The following DST variants were observed in gnomAD, a reference collection of about 807,000 sequenced individuals.
DST encodes bullous pemphigoid antigen.
DST carries 253 observed loss-of-function variants against 875.2 expected under a neutral mutation model. That is an observed-to-expected ratio of 0.29 (90% CI 0.26 to 0.32). The LOEUF (loss-of-function observed/expected upper bound fraction) is 0.32, where lower values mean the gene tolerates loss of function less well. Among genes scored for constraint, DST ranks in the 10% least tolerant of loss-of-function variants. The pLI is 1.00. For missense variants in DST, 8,287 were observed against 9,111.6 expected (o/e 0.91, Z 3.68); for synonymous variants, 3,124 against 3,197.1 (o/e 0.98, Z 0.77).
intron 9 of DST, chr6:56,693,291 C>A: frequency 8.5e-7 from 1 of 1,175,628 alleles, no homozygotes; most frequent in Non-Finnish European, 1.1e-6. Flanking sequence ...CAGTCTGAGG[C>A]CATTTTGCTT....
Position 56,603,659 on chromosome 6 carries a change from A to T in DST, c.10846T>A (p.Leu3616Met). ...LQHTEKMHEYLTLLQDMKPPL... is the reference protein window; with the variant it reads ...LQHTEKMHEYMTLLQDMKPPL... Reference sequence around the variant, plus strand: ...GGTTTCATATCTTGAAGCAATGTCAAATACTCATGCATTTTTTCAGTGTGC... The same window carrying T: ...GGTTTCATATCTTGAAGCAATGTCATATACTCATGCATTTTTTCAGTGTGC... The change falls in exon 41 of 104, where the codon TTG (leucine) becomes ATG (methionine). Residue 3616 changes from leucine (L) to methionine (M), a missense_variant. Coordinates refer to ENST00000680361, the MANE Select transcript of DST (RefSeq NM_001374736.1). 6.2e-7 allele frequency: 1 copy of T among 1,610,690 alleles called. No individual in the cohort carries two copies. Among genetic ancestry groups the T allele is most frequent in the Non-Finnish European group, 8.5e-7 (1 of 1,178,670 alleles).
At chr6:56,901,508 C>G (rs529311169) in intron 2 of DST, among the ~76,000 whole-genome samples, 2 of 152,216 alleles carry the variant, frequency 1.3e-5, no homozygotes, top group East Asian at 1.9e-4. Context: ...GGCAGGAGAA[C>G]TGCTTGAACC....
chr6:56,555,709 C>A lies in DST; in HGVS notation c.14772G>T (p.Val4924=), dbSNP rs1367030512. The A allele has an allele frequency of 2.5e-6, 4 of 1,610,660 alleles. No individual in the cohort carries two copies. The highest frequency in any genetic ancestry group is 3.3e-5 in the Admixed American group (2 of 59,982). Residue 4924 remains valine (V), a synonymous_variant, in exon 60 of 104, where the codon GTG becomes GTT. Coordinates refer to ENST00000680361, the MANE Select transcript of DST (RefSeq NM_001374736.1). ...CTGTTAGGCTATCCCATTTTTGGGT[C>A]ACAGCTGCCAGTTGCTCTTTCACAA... ...RGIVKEQLAA[V]TQKWDSLTGQ...
At chr6:56,797,424 T>C (rs964539059) in intron 4 of DST, among the ~76,000 whole-genome samples, 2 of 152,208 alleles carry the variant, frequency 1.3e-5, no homozygotes, top group African/African-American at 4.8e-5. Flanking sequence ...CTAGAAATTA[T>C]TAAGCTTAGT....
intron 4 of DST, chr6:56,843,064 T>G (rs563854688): frequency 6.6e-7 from 1 of 1,523,156 alleles, no homozygotes; most frequent in Non-Finnish European, 8.9e-7. Flanking sequence ...CCTTTGTACC[T>G]CTCCAGGACA....
chr6:56,519,415 G>A (rs9357921), intron 69 of DST, among the ~76,000 whole-genome samples: 102,643 of 152,022 alleles, frequency 0.68, 35,097 homozygotes, highest in East Asian at 0.8. Flanking sequence ...CACTCTTGCC[G>A]GGAGATGTTA....
chr6:56,620,456 G>C, intron 36 of DST: 1 of 1,614,112 alleles, frequency 6.2e-7, no homozygotes, highest in Non-Finnish European at 8.5e-7. Flanking sequence ...GTACTGCTTG[G>C]CTTCACTTTC....
chr6:56,656,207 C>T (rs951141234), intron 10 of DST, among the ~76,000 whole-genome samples: 1 of 152,232 alleles, frequency 6.6e-6, no homozygotes, highest in African/African-American at 2.4e-5. Flanking sequence ...TCCCCATAAT[C>T]CTAAACAAGC....
At chr6:56,611,374 A>C (rs898304068) in intron 38 of DST, 134 bp downstream of exon 38, 47 of 617,030 alleles carry the variant, frequency 7.6e-5, no homozygotes, top group Non-Finnish European at 3.1e-5. Flanking sequence ...TACTCTTTAC[A>C]TTACTATATT....
At chr6:56,713,309 G>A (rs1392212999) in intron 5 of DST, among the ~76,000 whole-genome samples, 2 of 152,152 alleles carry the variant, frequency 1.3e-5, no homozygotes, top group Admixed American at 6.6e-5. Context: ...TGCTGGTTGT[G>A]GCAACTACCC....
chr6:56,850,237 C>G (rs1420793273), intron 4 of DST, among the ~76,000 whole-genome samples: 1 of 152,126 alleles, frequency 6.6e-6, no homozygotes, highest in African/African-American at 2.4e-5. Flanking sequence ...CCCAGAAACC[C>G]TGACTAGAGA....
At chr6:56,636,220 A>C (rs1393576278) in intron 23 of DST, among the ~76,000 whole-genome samples, 2 of 151,390 alleles carry the variant, frequency 1.3e-5, no homozygotes, top group East Asian at 3.9e-4. Context: ...TTCGGCCTAC[A>C]AAGAAAACAA....
At chr6:56,734,355 C>A (rs562976433) in intron 5 of DST, among the ~76,000 whole-genome samples, 1 of 152,172 alleles carries the variant, frequency 6.6e-6, no homozygotes, top group Non-Finnish European at 1.5e-5. Context: ...GATGACTAAA[C>A]GCAATTTACA....
chr6:56,923,969 C>T (rs932042063), intron 2 of DST, among the ~76,000 whole-genome samples: 2 of 152,046 alleles, frequency 1.3e-5, no homozygotes, highest in Non-Finnish European at 2.9e-5. Context: ...ACTAAAGATA[C>T]AAAAATTCAC....
At chr6:56,907,635 G>T (rs1796986834) in intron 2 of DST, among the ~76,000 whole-genome samples, 1 of 152,148 alleles carries the variant, frequency 6.6e-6, no homozygotes, top group Non-Finnish European at 1.5e-5. Flanking sequence ...AGGCAGTAAT[G>T]CATTCAGAAT....
chr6:56,652,952 T>C (rs1024734903), intron 10 of DST, among the ~76,000 whole-genome samples: 12 of 152,342 alleles, frequency 7.9e-5, no homozygotes, highest in African/African-American at 2.9e-4. Flanking sequence ...CAGGTATGTA[T>C]AGCAGTCTAG....
At chr6:56,827,346 TCTA>T (rs2099781869) in intron 4 of DST, among the ~76,000 whole-genome samples, 1 of 151,810 alleles carries the variant, frequency 6.6e-6, no homozygotes, top group Non-Finnish European at 1.5e-5. Context: ...AAACCCCGTC[TCTA>T]CTAAAAATAC....
intron 5 of DST, among the ~76,000 whole-genome samples, chr6:56,706,672 G>C (rs192333172): frequency 2.0e-5 from 3 of 152,224 alleles, no homozygotes; most frequent in Admixed American, 6.5e-5. Context: ...TTCTCATAAA[G>C]AGAGCACAAC....
chr6:56,623,016 T>C (rs922745161), intron 36 of DST, among the ~76,000 whole-genome samples: 3 of 152,236 alleles, frequency 2.0e-5, no homozygotes, highest in South Asian at 4.1e-4. Flanking sequence ...ATGTATCTTT[T>C]ACACGACATT....
Sources: gnomAD v4.1 joint callset for allele counts (sites outside exome capture counted in the v4.1 genomes callset) on GRCh38, gnomAD v4.1.1 for gene constraint, MANE v1.5 for transcripts, NCBI Gene and HGNC (gene_info 2026-07-23, HGNC 2026-07-21) for gene names.